Variants in ZNF8 observed in about 807,000 individuals in gnomAD.
ZNF8 encodes zinc finger protein 8.
ZNF8 carries 9 observed loss-of-function variants against 12.2 expected under a neutral mutation model. The observed-to-expected ratio is 0.73, with a 90% CI of 0.44 to 1.28. The LOEUF is 1.28. Among genes scored for constraint, ZNF8 ranks in the 50% most tolerant of loss-of-function variants. ZNF8 has a pLI of 0.00. For synonymous variants in ZNF8, 274 were observed against 282.3 expected, an observed-to-expected ratio of 0.97 and a Z score of 0.30; for missense variants, 664 against 729.1, an observed-to-expected ratio of 0.91 and a Z score of 1.03.
intron 1 of ZNF8, chr19:58,279,635 C>T (rs553670640): frequency 1.8e-5 from 27 of 1,534,316 alleles, no homozygotes; most frequent in Middle Eastern, 3.5e-4. Flanking sequence ...TTGGGCACAA[C>T]CTCTTGGGGG....
Position 58,301,800 on chromosome 19 carries a change from C to T in ZNF8, c.*6264C>T, listed in dbSNP as rs1434890490. 2 of 152,172 alleles carry T rather than the reference C, an allele frequency of 1.3e-5. No homozygotes were observed. Among genetic ancestry groups the T allele is most frequent in the East Asian group, 3.9e-4 (2 of 5,194 alleles). 9.4% of individuals were successfully genotyped at this position (152,172 alleles called of 1,614,324 possible). A position where few individuals can be genotyped will look rare whatever the true frequency, so the allele number is the denominator to read the frequency against. On this transcript the variant is annotated 3_prime_UTR_variant, in exon 4 of 4. Coordinates refer to ENST00000621650, the MANE Select transcript of ZNF8 (RefSeq NM_021089.3). ...GTGTGGGAAGGTTCTTATACATCTTCTATGAAGGGCAGTTTATCAGTCACT... is the reference window on the plus strand; with the variant it reads ...GTGTGGGAAGGTTCTTATACATCTTTTATGAAGGGCAGTTTATCAGTCACT...
At chr19:58,291,207 G>C (rs2051417577) in intron 3 of ZNF8, among the ~76,000 whole-genome samples, 1 of 152,124 alleles carries the variant, frequency 6.6e-6, no homozygotes, top group Admixed American at 6.5e-5. Context: ...AGCTTCACCT[G>C]CTGCAGGTCA....
At chr19:58,279,437 G>T (rs1350612559) in intron 1 of ZNF8, 1 of 1,451,718 alleles carries the variant, frequency 6.9e-7, no homozygotes. Context: ...CATCTCCTGC[G>T]TTCTGCTCCG....
chr19:58,292,758 C>CT (rs1256124264), intron 3 of ZNF8, among the ~76,000 whole-genome samples: 1 of 152,054 alleles, frequency 6.6e-6, no homozygotes, highest in African/African-American at 2.4e-5. Context: ...GTACTTTGTT[C>CT]TTTTTTGTGG....
chr19:58,286,057 G>C, intron 2 of ZNF8, 53 bp from the exon 3 acceptor site: 1 of 1,574,522 alleles, frequency 6.4e-7, no homozygotes, highest in South Asian at 1.1e-5. Flanking sequence ...GCCTGGGCTT[G>C]TTGTTTCTCT....
At chr19:58,281,020 C>T (rs532835664) in intron 1 of ZNF8, among the ~76,000 whole-genome samples, 66 of 152,330 alleles carry the variant, frequency 4.3e-4, no homozygotes, top group Non-Finnish European at 8.7e-4. Flanking sequence ...CACATCTGCA[C>T]AGTTCCTTTT....
At chr19:58,284,657 T>A (rs1194009160) in intron 1 of ZNF8, among the ~76,000 whole-genome samples, 3 of 152,180 alleles carry the variant, frequency 2.0e-5, no homozygotes, top group African/African-American at 7.2e-5. Flanking sequence ...GAGACCAACC[T>A]GGCCAACATG....
In ZNF8 at chr19:58,295,561, T is replaced by A. The variant is rs1405796637; in HGVS notation, c.*25T>A. 6.5e-6 allele frequency: 10 copies of A among 1,543,848 alleles called. No individual in the cohort carries two copies. The highest frequency in any genetic ancestry group is 7.9e-6 in the Non-Finnish European group (9 of 1,139,736). Reference sequence around the variant, plus strand: ...GGAGAGAAACTTTGCTGATGACTTTTAACCACAAGTAAAAAATGTGGTAAG... The same window carrying A: ...GGAGAGAAACTTTGCTGATGACTTTAAACCACAAGTAAAAAATGTGGTAAG... On this transcript the variant is annotated 3_prime_UTR_variant, in exon 4 of 4. Coordinates refer to ENST00000621650, the MANE Select transcript of ZNF8 (RefSeq NM_021089.3).
At chr19:58,279,644 G>A in intron 1 of ZNF8, 1 of 1,534,132 alleles carries the variant, frequency 6.5e-7, no homozygotes, top group South Asian at 1.2e-5. Flanking sequence ...ACCTCTTGGG[G>A]GCAATGATGG....
intron 1 of ZNF8, among the ~76,000 whole-genome samples, chr19:58,282,539 G>A (rs2051356748): frequency 1.3e-5 from 2 of 152,264 alleles, no homozygotes; most frequent in African/African-American, 4.8e-5. Flanking sequence ...TCATATCTAA[G>A]AATCCCTTGC....
chr19:58,292,290 C>T (rs971946476), intron 3 of ZNF8, among the ~76,000 whole-genome samples: 1 of 152,130 alleles, frequency 6.6e-6, no homozygotes, highest in Non-Finnish European at 1.5e-5. Flanking sequence ...TTATTTCTCA[C>T]GGTTCTGTAG....
chr19:58,286,115 G>A lies in ZNF8; in HGVS notation c.199G>A (p.Glu67Lys). 1 of 1,614,016 alleles carries A rather than the reference G, an allele frequency of 6.2e-7. No homozygotes were observed. Among genetic ancestry groups the A allele is most frequent in the Non-Finnish European group, 8.5e-7 (1 of 1,180,014 alleles). ...GTGTTTTTCCCCATTTCCAGGTCCTGAGCTTCCGAAGCCTGAAGTCATCTC... is the reference window on the plus strand; with the variant it reads ...GTGTTTTTCCCCATTTCCAGGTCCTAAGCTTCCGAAGCCTGAAGTCATCTC... ...TFGHLLSIGP[E>K]LPKPEVISQL... The change falls in exon 3 of 4, where the codon GAG becomes AAG. Residue 67 changes from glutamate (E) to lysine (K), a missense_variant. Around this residue, in one of 3 missense-constraint regions of ZNF8, gnomAD observed 306 missense variants for 308.7 expected, o/e 0.99. Coordinates refer to ENST00000621650, the MANE Select transcript of ZNF8 (RefSeq NM_021089.3).
rs2290662 is a variant in ZNF8 at position 58,285,982 on chromosome 19, C to T, written c.194-128C>T. 1.4e-5 allele frequency: 19 copies of T among 1,393,862 alleles called. No homozygotes were observed. The East Asian group carries it at 3.9e-4, about 29-fold the overall frequency. 86.3% of individuals were successfully genotyped at this position (1,393,862 alleles called of 1,614,324 possible). A position where few individuals can be genotyped will look rare whatever the true frequency, so the allele number is the denominator to read the frequency against. On this transcript the variant is annotated intron_variant, in intron 2 of 3. Transcript: ENST00000621650. Reference sequence around the variant, plus strand: ...GAGGGAGGTCTGCCCTTTTCCATCACCATGCAGAGCTTCACCATGTTGTGA... The same window carrying T: ...GAGGGAGGTCTGCCCTTTTCCATCATCATGCAGAGCTTCACCATGTTGTGA...
chr19:58,291,084 G>C (rs971216023), intron 3 of ZNF8, among the ~76,000 whole-genome samples: 2 of 152,118 alleles, frequency 1.3e-5, no homozygotes, highest in Non-Finnish European at 2.9e-5. Context: ...CCCACTCCCA[G>C]TGCACTCACA....
In ZNF8 at chr19:58,294,753, T is replaced by C; in HGVS notation, c.945T>C (p.Cys315=). ...RIHTGDKPYK[C]AECGKSFCHS... ...ACACTGGAGACAAGCCCTACAAGTGTGCCGAATGTGGGAAGTCTTTCTGCC... is the reference window on the plus strand; with the variant it reads ...ACACTGGAGACAAGCCCTACAAGTGCGCCGAATGTGGGAAGTCTTTCTGCC... The change falls in exon 4 of 4, where the codon TGT becomes TGC. Residue 315 remains cysteine (C), a synonymous_variant. Transcript: ENST00000621650. The surrounding 1 kb of genome is among the most constrained non-coding windows in gnomAD (Gnocchi z 5.5). 5 of 1,614,116 alleles carry C rather than the reference T, an allele frequency of 3.1e-6. No homozygotes were observed. The highest frequency in any genetic ancestry group is 1.3e-5 in the African/African-American group (1 of 75,010).
Position 58,302,273 on chromosome 19 carries a change from T to C in ZNF8, c.*6737T>C, listed in dbSNP as rs1216810808. The C allele has an allele frequency of 6.6e-6, 1 of 152,210 alleles. No homozygotes were observed. Among genetic ancestry groups the C allele is most frequent in the Non-Finnish European group, 1.5e-5 (1 of 68,040 alleles). The allele number at this position is 152,210 out of a possible 1,614,324, so 9.4% of individuals were successfully genotyped here. ...TAATGCGAGTTCTTTGTAGCAAAAC[T>C]TGGAAAATGCATAAAAGTAAAAAAA... On this transcript the variant is annotated 3_prime_UTR_variant, in exon 4 of 4. Transcript: ENST00000621650.
At position 58,294,130 on chromosome 19, in the gene ZNF8, C is replaced by G; in HGVS notation, c.322C>G (p.Arg108Gly). ...GCCTCGATCTGAAAGCCAAGCATCA[C>G]GCAAGGAAGAGGGCCTGCCTGAAGA... ...WEPRSESQASRKEEGLPEEEP... is the reference protein window; with the variant it reads ...WEPRSESQASGKEEGLPEEEP... The change falls in exon 4 of 4, where the codon CGC becomes GGC. Residue 108 changes from arginine (R) to glycine (G), a missense_variant. This residue lies in a region of ZNF8 where 306 missense variants were observed against 308.7 expected (regional missense o/e 0.99). Coordinates refer to ENST00000621650, the MANE Select transcript of ZNF8 (RefSeq NM_021089.3). The surrounding 1 kb of genome is among the most constrained non-coding windows in gnomAD (Gnocchi z 5.5). The G allele has an allele frequency of 6.2e-7, 1 of 1,606,166 alleles. No individual in the cohort carries two copies. Among genetic ancestry groups the G allele is most frequent in the South Asian group, 1.1e-5 (1 of 90,900 alleles).
intron 3 of ZNF8, among the ~76,000 whole-genome samples, chr19:58,291,814 G>A (rs1452898228): frequency 6.6e-6 from 1 of 152,182 alleles, no homozygotes; most frequent in Non-Finnish European, 1.5e-5. Flanking sequence ...GGAGCAAGGT[G>A]GGCAGATGTC....
rs373396621 is a variant in ZNF8 at position 58,299,269 on chromosome 19, C to T, written c.*3733C>T. ...CTGGGACTACAGGCGCCCGCCACCACGCCCGGCAAATTTTTTGCGTTTTTA... is the reference window on the plus strand; with the variant it reads ...CTGGGACTACAGGCGCCCGCCACCATGCCCGGCAAATTTTTTGCGTTTTTA... On this transcript the variant is annotated 3_prime_UTR_variant, in exon 4 of 4. Coordinates refer to ENST00000621650, the MANE Select transcript of ZNF8 (RefSeq NM_021089.3). 1.3e-5 allele frequency: 2 copies of T among 151,728 alleles called. No individual in the cohort carries two copies. The highest frequency in any genetic ancestry group is 2.4e-5 in the African/African-American group (1 of 41,316). The allele number at this position is 151,728 out of a possible 1,614,324, so 9.4% of individuals were successfully genotyped here.
Sources: allele counts gnomAD v4.1 joint callset (sites outside exome capture counted in the v4.1 genomes callset), GRCh38; gene constraint gnomAD v4.1.1; regional missense constraint gnomAD v4.1.1; non-coding constraint Gnocchi (gnomAD v3.1); transcripts MANE v1.5; gene names NCBI Gene and HGNC (gene_info 2026-07-23, HGNC 2026-07-21).